STAB2: variants seen among roughly 807,000 people sequenced by gnomAD.
STAB2 encodes stabilin 2.
Under a neutral mutation model 338.1 loss-of-function variants are expected in STAB2, and 288 were observed. The observed-to-expected ratio is 0.85, with a 90% CI of 0.77 to 0.94. The LOEUF (loss-of-function observed/expected upper bound fraction) is 0.94. Ranked by LOEUF, STAB2 falls within the 40% of genes least tolerant of loss-of-function variation. The pLI is 0.00. For missense variants in STAB2, 3,141 were observed against 3,210.1 expected (o/e 0.98, Z 0.52); for synonymous variants, 1,202 against 1,193.3 (o/e 1.01, Z -0.15).
rs1593188250 is a variant in STAB2, at chr12:103,655,297, C to A, written c.1598C>A (p.Ser533Tyr). ...MLQPRYSKFR[S>Y]LLEETNLGHA... ...CAACCAAGGTACAGCAAGTTCAGAT[C>A]TTTGTTAGAGGTAAGCACTTTTCAT... The change falls in exon 14 of 69, where the codon TCT becomes TAT. Residue 533 changes from serine (S) to tyrosine (Y), a missense_variant. By Grantham distance (144) the Ser-to-Tyr change is moderately radical (BLOSUM62 -2). Coordinates refer to ENST00000388887, the MANE Select transcript of STAB2 (RefSeq NM_017564.10). 6.2e-7 allele frequency: 1 copy of A among 1,613,174 alleles called. No homozygotes were observed. Among genetic ancestry groups the A allele is most frequent in the Middle Eastern group, 1.7e-4 (1 of 6,060 alleles).
chr12:103,758,101 C>T (rs530788328), intron 63 of STAB2, 69 bp from the exon 64 acceptor site: 13 of 1,602,298 alleles, frequency 8.1e-6, no homozygotes, highest in South Asian at 5.5e-5. Context: ...TGCCCTGGGA[C>T]CTTCTTCAGC....
At position 103,747,267 on chromosome 12, in the gene STAB2, T is replaced by G. The variant is rs1017800973; in HGVS notation, c.6244+563T>G. Among the ~76,000 whole-genome samples the G allele has an allele frequency of 6.6e-5, 10 of 152,338 alleles. 1 individual carries two copies. The highest frequency in any genetic ancestry group is 2.0e-4 in the Admixed American group (3 of 15,302). On this transcript the variant is annotated intron_variant, in intron 58 of 68. Coordinates refer to ENST00000388887, the MANE Select transcript of STAB2 (RefSeq NM_017564.10). ...CTGTGAACACTGCAATATCCCTCTA[T>G]AGTAGTTAGGATATAGGTTCAGCCA...
intron 52 of STAB2, among the ~76,000 whole-genome samples, chr12:103,736,194 G>T (rs991025281): frequency 6.6e-6 from 1 of 152,162 alleles, no homozygotes; most frequent in Non-Finnish European, 1.5e-5. Context: ...TAGTATGATG[G>T]CTCAGTGGAG....
chr12:103,609,270 C>A (rs569093753), intron 3 of STAB2, among the ~76,000 whole-genome samples: 123 of 152,286 alleles, frequency 8.1e-4, no homozygotes, highest in African/African-American at 2.8e-3. Flanking sequence ...CTATAAATTA[C>A]CTTGGGCAGT....
intron 37 of STAB2, among the ~76,000 whole-genome samples, 181 bp from the exon 38 acceptor site, chr12:103,706,611 C>A (rs1175220188): frequency 1.3e-5 from 2 of 152,138 alleles, no homozygotes; most frequent in Non-Finnish European, 2.9e-5. Flanking sequence ...GTTCCTAGCA[C>A]CCCTAGAAAT....
intron 54 of STAB2, 41 bp from the exon 55 acceptor site, chr12:103,740,589 T>A (rs1313532541): frequency 1.2e-6 from 2 of 1,602,514 alleles, no homozygotes; most frequent in Non-Finnish European, 1.7e-6. Flanking sequence ...CCCTAGTCCC[T>A]GCAGTGGTAA....
chr12:103,621,239 C>G (rs1324926118), intron 4 of STAB2, among the ~76,000 whole-genome samples: 1 of 152,150 alleles, frequency 6.6e-6, no homozygotes, highest in Non-Finnish European at 1.5e-5. Flanking sequence ...TATTAATAAT[C>G]ACTATTAGCA....
At chr12:103,618,062 G>A (rs1232449979) in intron 3 of STAB2, among the ~76,000 whole-genome samples, 1 of 152,032 alleles carries the variant, frequency 6.6e-6, no homozygotes, top group African/African-American at 2.4e-5. Context: ...GAGCCCCCAG[G>A]GTCTCTTTCA....
chr12:103,656,677 A>ATTTTTTTTTTT (rs62855260), intron 15 of STAB2, among the ~76,000 whole-genome samples: 1 of 119,000 alleles, frequency 8.4e-6, no homozygotes, highest in African/African-American at 3.3e-5. Context: ...AAAACTTAGG[A>ATTTTTTTTTTT]TTTTTTTTTT....
chr12:103,757,016 T>TAAA (rs1884170618), intron 63 of STAB2, among the ~76,000 whole-genome samples: 1 of 135,270 alleles, frequency 7.4e-6, no homozygotes, highest in Non-Finnish European at 1.6e-5. Context: ...TATATATATA[T>TAAA]ATATATATAT....
chr12:103,637,074 C>G, intron 6 of STAB2, 37 bp from the exon 7 acceptor site: 1 of 1,568,068 alleles, frequency 6.4e-7, no homozygotes, highest in South Asian at 1.2e-5. Context: ...ACTGGTTATT[C>G]TACTAATGCA....
At position 103,633,780 on chromosome 12, in the gene STAB2, C is replaced by T. The variant is rs186412642; in HGVS notation, c.583+2087C>T. ...TTAAAATTCAGTCATATTTGGAGTC[C>T]TGGAGGTTTATTTTCATTTGTTTTT... On this transcript the variant is annotated intron_variant, in intron 6 of 68. Coordinates refer to ENST00000388887, the MANE Select transcript of STAB2 (RefSeq NM_017564.10). Among the ~76,000 whole-genome samples, 533 of 152,264 alleles carry T rather than the reference C, an allele frequency of 3.5e-3. 2 individuals are homozygous for T. Among genetic ancestry groups the T allele is most frequent in the African/African-American group, 0.012 (514 of 41,552 alleles).
At chr12:103,687,828 A>AC (rs1345250963) in intron 27 of STAB2, among the ~76,000 whole-genome samples, 3 of 151,926 alleles carry the variant, frequency 2.0e-5, no homozygotes, top group East Asian at 1.9e-4. Context: ...GAGCTCTGTG[A>AC]CCCCCACTTA....
rs1229000309 is a variant in STAB2, at chr12:103,587,465, AAATATTTCCTC to A, written c.-10_1del. On this transcript the variant is annotated 5_prime_UTR_variant, in exon 1 of 69. Coordinates refer to ENST00000388887, the MANE Select transcript of STAB2 (RefSeq NM_017564.10). Reference sequence around the variant, plus strand: ...CAGGTGCTTGGCACAGAGAAGGAGCAAATATTTCCTCATGATGCTACAACATTTAGTAATTT... The same window carrying A: ...CAGGTGCTTGGCACAGAGAAGGAGCAATGATGCTACAACATTTAGTAATTT... The A allele has an allele frequency of 1.2e-6, 2 of 1,612,118 alleles. No homozygotes were observed. The highest frequency in any genetic ancestry group is 1.7e-6 in the Non-Finnish European group (2 of 1,178,790).
At chr12:103,626,298 C>CCA (rs1957380328) in intron 5 of STAB2, among the ~76,000 whole-genome samples, 1 of 152,092 alleles carries the variant, frequency 6.6e-6, no homozygotes, top group South Asian at 2.1e-4. Context: ...ATTTAAATAG[C>CCA]CACATGTGGC....
At position 103,637,194 on chromosome 12, in the gene STAB2, A is replaced by G. The variant is rs1169339293; in HGVS notation, c.667A>G (p.Lys223Glu). ...TGAAGATGAAAACAAACTGGAATGC[A>G]AATGCCTTCCCAATTACCGAGGCGA... is the stretch of plus-strand genomic sequence containing the variant. ...STEDENKLEC[K>E]CLPNYRGDGK... The change falls in exon 7 of 69, where the codon AAA (lysine) becomes GAA (glutamate). Residue 223 changes from lysine to glutamate, a missense_variant. By Grantham distance (56) the Lys-to-Glu change is moderately conservative. Coordinates refer to ENST00000388887, the MANE Select transcript of STAB2 (RefSeq NM_017564.10). The G allele has an allele frequency of 6.2e-7, 1 of 1,612,968 alleles. No homozygotes were observed. Among genetic ancestry groups the G allele is most frequent in the African/African-American group, 1.3e-5 (1 of 75,012 alleles).
chr12:103,660,638 G>A (rs200938200), intron 16 of STAB2, 45 bp from the exon 17 acceptor site: 104 of 1,589,648 alleles, frequency 6.5e-5, no homozygotes, highest in African/African-American at 3.5e-4. Flanking sequence ...AGGGCCCTGC[G>A]TGTGGTCCCA....
chr12:103,750,244 C>A (rs1883505856), intron 59 of STAB2, among the ~76,000 whole-genome samples: 1 of 152,170 alleles, frequency 6.6e-6, no homozygotes, highest in African/African-American at 2.4e-5. Context: ...TGTACAGAAA[C>A]AAATGCATGG....
At position 103,650,561 on chromosome 12, in the gene STAB2, G is replaced by A. The variant is rs770333401; in HGVS notation, c.1240G>A (p.Gly414Arg). 26 of 1,612,862 alleles carry A rather than the reference G, an allele frequency of 1.6e-5. No individual in the cohort carries two copies. Among genetic ancestry groups the A allele is most frequent in the East Asian group, 4.5e-5 (2 of 44,874 alleles). ...PFTVLLPTDK[G>R]LKGFNVNELL... ...CACGGTGCTGTTACCTACAGACAAG[G>A]GACTGAAAGGATTCAATGTGAGTAT... The change falls in exon 11 of 69, where the codon GGA becomes AGA. Residue 414 changes from glycine to arginine, a missense_variant. Physicochemically the swap from Gly to Arg is moderately radical, Grantham distance 125. Transcript: ENST00000388887.
Sources: allele counts gnomAD v4.1 joint callset (sites outside exome capture counted in the v4.1 genomes callset), GRCh38; gene constraint gnomAD v4.1.1; transcripts MANE v1.5; gene names NCBI Gene and HGNC (gene_info 2026-07-23, HGNC 2026-07-21).